NTRK3: variants seen among roughly 807,000 people sequenced by gnomAD.
NTRK3 encodes NT-3 growth factor receptor.
NTRK3 carries 24 observed loss-of-function variants against 91.7 expected under a neutral mutation model. The ratio of observed to expected loss-of-function variants is 0.26; its 90% CI spans 0.19 to 0.37. NTRK3 has a LOEUF of 0.37. NTRK3 is among the 10% of genes least tolerant of loss of function. NTRK3 has a pLI of 1.00. For synonymous variants in NTRK3, 483 were observed against 404.0 expected (o/e 1.20, Z -2.34); for missense variants, 880 against 1,068.9 (o/e 0.82, Z 2.46).
chr15:88,159,995 T>C (rs1028314015), intron 5 of NTRK3, among the ~76,000 whole-genome samples: 45 of 72,214 alleles, frequency 6.2e-4, no homozygotes, highest in East Asian at 2.2e-3. Flanking sequence ...CACACACACA[T>C]TGCTTGAACT....
intron 17 of NTRK3, among the ~76,000 whole-genome samples, chr15:87,888,137 T>C (rs2065652991): frequency 6.6e-6 from 1 of 152,166 alleles, no homozygotes; most frequent in South Asian, 2.1e-4. Context: ...TGCCTTTCCC[T>C]GACCTATCAC....
At chr15:88,026,871 T>C (rs868840293) in intron 14 of NTRK3, among the ~76,000 whole-genome samples, 1 of 152,244 alleles carries the variant, frequency 6.6e-6, no homozygotes, top group Non-Finnish European at 1.5e-5. Context: ...AAGGCAGTCA[T>C]GGCCCCTCAA....
chr15:87,885,255 G>T lies in NTRK3; in HGVS notation c.2134-4827C>A, dbSNP rs2065473085. On this transcript the variant is annotated intron_variant, in intron 17 of 18. Transcript: ENST00000394480. ...TAAATGCATTGAAAAACATAAAAGA[G>T]GATCTGAACAAATGAAAAGTTGTGT... is the stretch of plus-strand genomic sequence containing the variant. Among the ~76,000 whole-genome samples the T allele has an allele frequency of 3.3e-5, 5 of 151,918 alleles. No individual in the cohort carries two copies. The South Asian group carries it at 1.0e-3, about 31-fold the overall frequency.
At chr15:88,220,533 G>A (rs1222116711) in intron 3 of NTRK3, among the ~76,000 whole-genome samples, 1 of 152,214 alleles carries the variant, frequency 6.6e-6, no homozygotes, top group Admixed American at 6.5e-5. Flanking sequence ...GAAAAATAGT[G>A]AGAGCAAGGT....
At chr15:88,021,583 G>A (rs2077594643) in intron 14 of NTRK3, among the ~76,000 whole-genome samples, 1 of 138,548 alleles carries the variant, frequency 7.2e-6, no homozygotes, top group African/African-American at 2.6e-5. Context: ...ATTTTACCAT[G>A]AAACTTTTTT....
At position 87,940,530 on chromosome 15, in the gene NTRK3, G is replaced by A. The variant is rs1042946555; in HGVS notation, c.1716+93C>T. The A allele has an allele frequency of 2.5e-6, 4 of 1,581,936 alleles. No individual in the cohort carries two copies. The African/African-American group carries it at 4.0e-5, about 16-fold the overall frequency. On this transcript the variant is annotated intron_variant, in intron 15 of 18. Transcript: ENST00000394480. The stretch of plus-strand genomic sequence containing the variant: ...GATTGCATCTGAGAAAGCCAATTGA[G>A]CACTATCTTCTCAAATGGAGGGAGC...
At chr15:88,185,131 C>T (rs1415493093) in intron 3 of NTRK3, among the ~76,000 whole-genome samples, 1 of 152,210 alleles carries the variant, frequency 6.6e-6, no homozygotes, top group Non-Finnish European at 1.5e-5. Context: ...CCTTTTAGAA[C>T]TTTGCCCCAA....
intron 14 of NTRK3, 144 bp downstream of exon 14, chr15:88,032,713 G>T: frequency 1.1e-6 from 1 of 937,954 alleles, no homozygotes; most frequent in Non-Finnish European, 1.6e-6. Context: ...TTCAAGTTTT[G>T]AAACAAACAG....
chr15:88,051,075 CTAAT>C (rs949264976), intron 13 of NTRK3, among the ~76,000 whole-genome samples: 1 of 152,172 alleles, frequency 6.6e-6, no homozygotes, highest in African/African-American at 2.4e-5. Context: ...CCGTGGTCAT[CTAAT>C]TATTTCACTA....
intron 13 of NTRK3, among the ~76,000 whole-genome samples, chr15:88,122,980 T>A (rs535172724): frequency 8.5e-5 from 13 of 152,316 alleles, no homozygotes; most frequent in African/African-American, 3.1e-4. Flanking sequence ...AGGACAGACA[T>A]ATGGTCTACC....
At chr15:88,075,631 T>G (rs2047476808) in intron 13 of NTRK3, among the ~76,000 whole-genome samples, 1 of 152,134 alleles carries the variant, frequency 6.6e-6, no homozygotes, top group Non-Finnish European at 1.5e-5. Flanking sequence ...GTTGCTGTAT[T>G]TCTAAAAGTC....
At chr15:87,915,384 G>T (rs993628224) in intron 17 of NTRK3, among the ~76,000 whole-genome samples, 1 of 152,196 alleles carries the variant, frequency 6.6e-6, no homozygotes, top group Non-Finnish European at 1.5e-5. Context: ...TCTGGAGAAG[G>T]AGGTTTTAAT....
At chr15:88,040,930 A>C in intron 13 of NTRK3, among the ~76,000 whole-genome samples, 1 of 152,232 alleles carries the variant, frequency 6.6e-6, no homozygotes, top group East Asian at 1.9e-4. Context: ...TCCTCAAATA[A>C]GTTTAAGTCA....
At chr15:88,154,027 A>G (rs2043648825) in intron 5 of NTRK3, among the ~76,000 whole-genome samples, 2 of 148,202 alleles carry the variant, frequency 1.3e-5, no homozygotes, top group Non-Finnish European at 3.0e-5. Flanking sequence ...GCAAGAAAAG[A>G]GTGCTGTTCT....
chr15:88,047,367 A>C (rs1567289211), intron 13 of NTRK3, among the ~76,000 whole-genome samples: 2 of 152,214 alleles, frequency 1.3e-5, no homozygotes, highest in East Asian at 3.9e-4. Flanking sequence ...GAATACCCCA[A>C]AAAGGTGCGG....
chr15:88,030,441 T>C (rs1316902424), intron 14 of NTRK3, among the ~76,000 whole-genome samples: 1 of 152,116 alleles, frequency 6.6e-6, no homozygotes, highest in African/African-American at 2.4e-5. Context: ...CAGAGGAAAC[T>C]TGCCTCCAAC....
At chr15:87,864,243 G>A (rs746054206) in exon 19 of NTRK3, 12 of 232,440 alleles carry the variant, frequency 5.2e-5, no homozygotes, top group Non-Finnish European at 7.7e-5. Flanking sequence ...TGTGAAGTGA[G>A]AGAAAAATAA....
intron 13 of NTRK3, among the ~76,000 whole-genome samples, chr15:88,037,836 A>G (rs1287989499): frequency 6.6e-6 from 1 of 152,210 alleles, no homozygotes; most frequent in African/African-American, 2.4e-5. Flanking sequence ...TAATCTTATA[A>G]TGCCTCTGTG....
At chr15:87,989,851 C>T (rs913711594) in intron 14 of NTRK3, among the ~76,000 whole-genome samples, 1 of 152,144 alleles carries the variant, frequency 6.6e-6, no homozygotes, top group African/African-American at 2.4e-5. Flanking sequence ...AAGGGATGCG[C>T]CCACCTCAGC....
Sources: allele counts gnomAD v4.1 joint callset (sites outside exome capture counted in the v4.1 genomes callset), GRCh38; gene constraint gnomAD v4.1.1; transcripts MANE v1.5; gene names NCBI Gene and HGNC (gene_info 2026-07-23, HGNC 2026-07-21).